COL5A1: variants seen among roughly 807,000 people sequenced by gnomAD.
The protein encoded by COL5A1 is collagen type V alpha 1 chain.
A neutral mutation model predicts 263.7 loss-of-function variants in COL5A1; 16 were observed. The observed-to-expected ratio is 0.06, with a 90% CI of 0.04 to 0.09. The LOEUF (loss-of-function observed/expected upper bound fraction) is 0.09. COL5A1 is among the 10% of genes least tolerant of loss of function. The pLI is 1.00. For synonymous variants in COL5A1, 1,012 were observed against 1,004.5 expected, an observed-to-expected ratio of 1.01 and a Z score of -0.14; for missense variants, 2,036 against 2,540.5, an observed-to-expected ratio of 0.80 and a Z score of 4.27.
rs764108444 is a variant in COL5A1, at chr9:134,780,168, C to T, written c.2430+22C>T. 2.6e-5 allele frequency: 42 copies of T among 1,612,442 alleles called. 1 individual carries two copies. Among genetic ancestry groups the T allele is most frequent in the East Asian group, 1.6e-4 (7 of 44,886 alleles). ...GAAGGTAAGTCTCTCCTTGCAGCCA[C>T]GGGGCCCCCTGCTTAGTCCGGAGCC... On this transcript the variant is annotated intron_variant, in intron 28 of 65. Transcript: ENST00000371817.
At chr9:134,826,606 G>A (rs1454292456) in intron 63 of COL5A1, among the ~76,000 whole-genome samples, 2 of 150,452 alleles carry the variant, frequency 1.3e-5, no homozygotes, top group Non-Finnish European at 3.0e-5. Context: ...GGTGTATGTG[G>A]ATGGTGTGTG....
chr9:134,721,631 C>A (rs1240306287), intron 4 of COL5A1, among the ~76,000 whole-genome samples: 1 of 152,176 alleles, frequency 6.6e-6, no homozygotes, highest in Admixed American at 6.5e-5. Flanking sequence ...TCTGCTTCAG[C>A]TCCTCCTCCG....
chr9:134,793,678 C>A (rs1262569496), intron 32 of COL5A1, among the ~76,000 whole-genome samples: 2 of 151,980 alleles, frequency 1.3e-5, no homozygotes, highest in Non-Finnish European at 2.9e-5. Flanking sequence ...GTAAATCTGG[C>A]AGCCCGGGCT....
At position 134,782,701 on chromosome 9, in the gene COL5A1, T is replaced by A. The variant is rs1480175103; in HGVS notation, c.2465T>A (p.Met822Lys). 9 of 1,609,932 alleles carry A rather than the reference T, an allele frequency of 5.6e-6. No homozygotes were observed. The part of the protein sequence containing the change: ...EDGFPGFKGD[M>K]GIKGDRGEIG... Reference sequence around the variant, plus strand: ...GGCTTTCCTGGGTTTAAAGGAGACATGGGCATCAAGGGTGATCGGGTGAGC... The same window carrying A: ...GGCTTTCCTGGGTTTAAAGGAGACAAGGGCATCAAGGGTGATCGGGTGAGC... The change falls in exon 29 of 66, where the codon ATG becomes AAG. Residue 822 changes from methionine to lysine, a missense_variant. By Grantham distance (95) the Met-to-Lys change is moderately conservative. Transcript: ENST00000371817.
chr9:134,731,594 C>A lies in COL5A1; in HGVS notation c.1263C>A (p.Tyr421Ter). Reference sequence around the variant, plus strand: ...ACGAGAACTACTACGACCCCTACTACGACCCCACCAGCTCCCCGTCGGAGA... The same window carrying A: ...ACGAGAACTACTACGACCCCTACTAAGACCCCACCAGCTCCCCGTCGGAGA... ...NLDENYYDPY[Y>*]DPTSSPSEIG... The change falls in exon 8 of 66, where the codon TAC (tyrosine) becomes TAA (stop). Residue 421 changes from tyrosine (Y) to a stop codon, truncating the protein, a stop_gained. Transcript: ENST00000371817. LOFTEE classifies it high-confidence loss of function. 1 of 1,614,204 alleles carries A rather than the reference C, an allele frequency of 6.2e-7. No homozygotes were observed.
In COL5A1 at chr9:134,716,960, C is replaced by T. The variant is rs1311975206; in HGVS notation, c.655-10306C>T. 1.3e-5 allele frequency among the ~76,000 whole-genome samples: 2 copies of T among 152,140 alleles called. No individual in the cohort carries two copies. The highest frequency in any genetic ancestry group is 2.9e-5 in the Non-Finnish European group (2 of 68,046). On this transcript the variant is annotated intron_variant, in intron 4 of 65. Transcript: ENST00000371817. This position sits in a 1 kb window ranked among gnomAD's most constrained non-coding sequence, Gnocchi z 4.5. ...ACGACATGAAAATATTTCTCTGACA[C>T]TCTCGTTAATAGTGTGAAACTCGTT...
chr9:134,762,708 G>A (rs1480202436), intron 19 of COL5A1, among the ~76,000 whole-genome samples: 1 of 152,198 alleles, frequency 6.6e-6, no homozygotes, highest in Non-Finnish European at 1.5e-5. Context: ...GCTCTGGAGG[G>A]TGAGAAAGAG....
intron 16 of COL5A1, among the ~76,000 whole-genome samples, chr9:134,756,401 G>A (rs974966464): frequency 1.3e-5 from 2 of 152,154 alleles, no homozygotes; most frequent in African/African-American, 2.4e-5. Flanking sequence ...GCCTGCACTC[G>A]CCTGAGTCCT....
intron 44 of COL5A1, among the ~76,000 whole-genome samples, chr9:134,810,832 G>A (rs970552470): frequency 5.3e-5 from 8 of 152,010 alleles, no homozygotes; most frequent in South Asian, 2.1e-4. Flanking sequence ...AGCAGGATCC[G>A]TGCTCCTGGG....
chr9:134,748,304 T>C (rs970804178), intron 11 of COL5A1, among the ~76,000 whole-genome samples: 26 of 151,246 alleles, frequency 1.7e-4, no homozygotes, highest in Non-Finnish European at 3.5e-4. Context: ...CACACACACA[T>C]GCATTGATAG....
chr9:134,719,802 T>C (rs1183036486), intron 4 of COL5A1, among the ~76,000 whole-genome samples: 2 of 152,046 alleles, frequency 1.3e-5, no homozygotes, highest in Non-Finnish European at 2.9e-5. Flanking sequence ...AGAAGGGGCG[T>C]GTCTGAAGAA....
At chr9:134,762,310 C>T (rs117367103) in intron 19 of COL5A1, among the ~76,000 whole-genome samples, 24 of 152,344 alleles carry the variant, frequency 1.6e-4, no homozygotes, top group Non-Finnish European at 2.6e-4. Context: ...GTTTACTGAG[C>T]TCAGCGTCTC....
chr9:134,647,397 C>G lies in COL5A1; in HGVS notation c.109+5101C>G, dbSNP rs1444364419. 1.3e-5 allele frequency among the ~76,000 whole-genome samples: 2 copies of G among 151,880 alleles called. No homozygotes were observed. Among genetic ancestry groups the G allele is most frequent in the East Asian group, 1.9e-4 (1 of 5,188 alleles). On this transcript the variant is annotated intron_variant, in intron 1 of 65. Transcript: ENST00000371817. The surrounding 1 kb of genome is among the most constrained non-coding windows in gnomAD (Gnocchi z 5.0). ...TGTGTGCGTGTGTGTGTGTGTGTGTCAGGCCGTGTGCACGTGTGGACAATG... is the reference window on the plus strand; with the variant it reads ...TGTGTGCGTGTGTGTGTGTGTGTGTGAGGCCGTGTGCACGTGTGGACAATG...
intron 9 of COL5A1, among the ~76,000 whole-genome samples, chr9:134,735,829 C>T (rs1835076182): frequency 6.6e-6 from 1 of 152,238 alleles, no homozygotes. Flanking sequence ...ACGGGTGTCT[C>T]TCTGAGTGTG....
In COL5A1 at chr9:134,686,950, T is replaced by A. The variant is rs1009594231; in HGVS notation, c.110-3962T>A. Among the ~76,000 whole-genome samples the A allele has an allele frequency of 7.2e-5, 11 of 152,086 alleles. No homozygotes were observed. The highest frequency in any genetic ancestry group is 1.0e-4 in the Non-Finnish European group (7 of 68,012). On this transcript the variant is annotated intron_variant, in intron 1 of 65. Transcript: ENST00000371817. This position sits in a 1 kb window ranked among gnomAD's most constrained non-coding sequence, Gnocchi z 4.6. ...AGCAAGCCACGATGGGGAAAGGGATTGAATGCAGGGAGTCAGGTGGATACA... is the reference window on the plus strand; with the variant it reads ...AGCAAGCCACGATGGGGAAAGGGATAGAATGCAGGGAGTCAGGTGGATACA...
Position 134,754,257 on chromosome 9 carries a change from C to A in COL5A1, c.1774-16C>A, listed in dbSNP as rs755041858. ...GGCGGACTCGCCACTGACCCTTTGT[C>A]TCTTACCCCTGGCAGGGTCCTCGAG... On this transcript the variant is annotated splice_polypyrimidine_tract_variant and intron_variant, in intron 15 of 65. Coordinates refer to ENST00000371817, the MANE Select transcript of COL5A1 (RefSeq NM_000093.5). The surrounding 1 kb of genome is among the most constrained non-coding windows in gnomAD (Gnocchi z 4.3). The A allele has an allele frequency of 1.9e-5, 30 of 1,613,424 alleles. No individual in the cohort carries two copies. Among genetic ancestry groups the A allele is most frequent in the Non-Finnish European group, 2.4e-5 (28 of 1,180,008 alleles).
At chr9:134,708,865 G>A (rs1237025641) in intron 4 of COL5A1, 3 of 456,422 alleles carry the variant, frequency 6.6e-6, no homozygotes, top group East Asian at 6.9e-5. Flanking sequence ...AGCTTCCAGC[G>A]GGGGACTCTG....
Position 134,830,263 on chromosome 9 carries a change from C to T in COL5A1, c.5136+219C>T, listed in dbSNP as rs1839552566. 4 of 1,355,468 alleles carry T rather than the reference C, an allele frequency of 3.0e-6. No homozygotes were observed. In the Admixed American group the frequency reaches 5.9e-5, roughly 20 times the overall value. The allele number at this position is 1,355,468 out of a possible 1,614,324, so 84.0% of individuals were successfully genotyped here. A position where few individuals can be genotyped will look rare whatever the true frequency, so the allele number is the denominator to read the frequency against. On this transcript the variant is annotated intron_variant, in intron 64 of 65. Coordinates refer to ENST00000371817, the MANE Select transcript of COL5A1 (RefSeq NM_000093.5). ...GGCTCTGCATGGCACCCATCGCTGC[C>T]ATGTGTGCCACACCGCTCTTGCCAA...
intron 38 of COL5A1, 36 bp downstream of exon 38, chr9:134,802,043 C>G: frequency 6.2e-7 from 1 of 1,602,878 alleles, no homozygotes; most frequent in Non-Finnish European, 8.5e-7. Flanking sequence ...ATGGGTCACT[C>G]GGTGTCACTT....
Sources: allele counts gnomAD v4.1 joint callset (sites outside exome capture counted in the v4.1 genomes callset), GRCh38; gene constraint gnomAD v4.1.1; non-coding constraint Gnocchi (gnomAD v3.1); transcripts MANE v1.5; gene names NCBI Gene and HGNC (gene_info 2026-07-23, HGNC 2026-07-21).